Variants in BBS9 observed in about 807,000 individuals in gnomAD.
The protein encoded by BBS9 is protein PTHB1.
A neutral mutation model predicts 117.7 loss-of-function variants in BBS9; 89 were observed. The observed-to-expected ratio is 0.76, with a 90% CI of 0.64 to 0.90. The LOEUF (loss-of-function observed/expected upper bound fraction) is 0.90, where lower values mean the gene tolerates loss of function less well. Among genes scored for constraint, BBS9 ranks in the 40% least tolerant of loss-of-function variants. The pLI, the probability that BBS9 is intolerant of heterozygous loss-of-function variation, is 0.00. For synonymous variants in BBS9, 379 were observed against 370.9 expected, an observed-to-expected ratio of 1.02 and a Z score of -0.25; for missense variants, 982 against 1,042.2, an observed-to-expected ratio of 0.94 and a Z score of 0.80.
chr7:33,561,475 GCCA>G (rs1856078600), intron 21 of BBS9, among the ~76,000 whole-genome samples: 1 of 152,188 alleles, frequency 6.6e-6, no homozygotes, highest in Non-Finnish European at 1.5e-5. Flanking sequence ...AGAGGTAGTA[GCCA>G]CCTGAGTTGA....
At chr7:33,633,331 C>G (rs1454323094) in intron 21 of BBS9, among the ~76,000 whole-genome samples, 1 of 151,116 alleles carries the variant, frequency 6.6e-6, no homozygotes, top group Non-Finnish European at 1.5e-5. Context: ...CTTTAAAAAG[C>G]ACTTGATTGT....
At chr7:33,535,941 T>C (rs1030197399) in intron 21 of BBS9, among the ~76,000 whole-genome samples, 1 of 152,020 alleles carries the variant, frequency 6.6e-6, no homozygotes, top group African/African-American at 2.4e-5. Flanking sequence ...GATCCTCAAA[T>C]CCCTGTCTTA....
At chr7:33,189,593 A>T (rs1409041748) in intron 5 of BBS9, among the ~76,000 whole-genome samples, 1 of 100,550 alleles carries the variant, frequency 9.9e-6, no homozygotes, top group Non-Finnish European at 2.4e-5. Context: ...TTTTTTAATT[A>T]AAAAAAAATA....
chr7:33,439,072 G>A (rs1477528859), intron 19 of BBS9, among the ~76,000 whole-genome samples: 1 of 152,124 alleles, frequency 6.6e-6, no homozygotes, highest in Non-Finnish European at 1.5e-5. Flanking sequence ...TGTATTCTTG[G>A]TCAAGCTTTA....
At chr7:33,263,519 A>G (rs1798309568) in intron 6 of BBS9, among the ~76,000 whole-genome samples, 1 of 152,286 alleles carries the variant, frequency 6.6e-6, no homozygotes, top group South Asian at 2.1e-4. Context: ...TCTAGATTGA[A>G]TAATATTTAT....
chr7:33,160,183 A>T (rs1285822101), intron 4 of BBS9, among the ~76,000 whole-genome samples: 1 of 152,218 alleles, frequency 6.6e-6, no homozygotes, highest in African/African-American at 2.4e-5. Context: ...AAAGCCTATC[A>T]TGAGGGATAC....
intron 1 of BBS9, among the ~76,000 whole-genome samples, chr7:33,130,830 G>A (rs530526584): frequency 6.6e-6 from 1 of 151,862 alleles, no homozygotes; most frequent in Non-Finnish European, 1.5e-5. Flanking sequence ...AGAGTTTAAG[G>A]GATTTTTCCT....
chr7:33,148,660 G>T (rs1792803492), intron 2 of BBS9, among the ~76,000 whole-genome samples: 1 of 147,484 alleles, frequency 6.8e-6, no homozygotes, highest in Admixed American at 6.7e-5. Context: ...ACTGCACCTG[G>T]CCTTTTTTTT....
At chr7:33,410,678 C>A (rs1046480122) in intron 19 of BBS9, among the ~76,000 whole-genome samples, 1 of 152,136 alleles carries the variant, frequency 6.6e-6, no homozygotes, top group Admixed American at 6.5e-5. Context: ...TCAACCCTTC[C>A]CTTGATCCCT....
In BBS9 at chr7:33,448,431, A is replaced by G. The variant is rs745927662; in HGVS notation, c.2116-57032A>G. 7.7e-4 allele frequency among the ~76,000 whole-genome samples: 117 copies of G among 152,178 alleles called. 1 individual carries two copies. The highest frequency in any genetic ancestry group is 1.5e-3 in the Non-Finnish European group (103 of 68,014). On this transcript the variant is annotated intron_variant, in intron 19 of 22. Coordinates refer to ENST00000242067, the MANE Select transcript of BBS9 (RefSeq NM_198428.3). ...TACTATTCTGAAGGCGGCATGGGGT[A>G]GGACTCCAGAACAAAGTCAGACAGA... is the stretch of plus-strand genomic sequence containing the variant.
intron 19 of BBS9, among the ~76,000 whole-genome samples, chr7:33,488,535 C>A (rs1455661218): frequency 6.6e-6 from 1 of 152,144 alleles, no homozygotes; most frequent in Non-Finnish European, 1.5e-5. Context: ...CCACATCTCT[C>A]TGGGCCTTAG....
Position 33,188,644 on chromosome 7 carries a change from G to T in BBS9, c.442+11053G>T, listed in dbSNP as rs545908068. On this transcript the variant is annotated intron_variant, in intron 5 of 22. Transcript: ENST00000242067. ...AGAGGGAAGGGAGAGATTCCAAGAG[G>T]CACTGAAGGACTTGAGAGTTCAGAG... Among the ~76,000 whole-genome samples the T allele has an allele frequency of 1.8e-3, 271 of 152,314 alleles. 7 individuals carry two copies. In the South Asian group the frequency reaches 0.049, roughly 28 times the overall value.
intron 15 of BBS9, among the ~76,000 whole-genome samples, chr7:33,355,327 C>A (rs1819429008): frequency 6.6e-6 from 1 of 151,820 alleles, no homozygotes; most frequent in South Asian, 2.1e-4. Flanking sequence ...AGAAATGTGC[C>A]TCTGATGAAC....
At chr7:33,231,428 C>CTTTTTTTTTTTTTTTT (rs35407590) in intron 5 of BBS9, among the ~76,000 whole-genome samples, 5 of 106,384 alleles carry the variant, frequency 4.7e-5, no homozygotes, top group Non-Finnish European at 7.7e-5. Context: ...GCCTATGTGT[C>CTTTTTTTTTTTTTTTT]TTTTTTTTTT....
intron 7 of BBS9, among the ~76,000 whole-genome samples, chr7:33,272,026 G>T (rs1799883839): frequency 6.6e-6 from 1 of 152,242 alleles, no homozygotes; most frequent in East Asian, 1.9e-4. Context: ...TAAAGAAAAT[G>T]TGGTACATAT....
chr7:33,355,007 C>T (rs754007014), intron 15 of BBS9, among the ~76,000 whole-genome samples: 16 of 151,938 alleles, frequency 1.1e-4, no homozygotes, highest in Non-Finnish European at 1.9e-4. Flanking sequence ...TTTCTCTCAG[C>T]GTAACACTTA....
At chr7:33,525,921 G>A (rs1236655804) in intron 20 of BBS9, among the ~76,000 whole-genome samples, 6 of 151,478 alleles carry the variant, frequency 4.0e-5, no homozygotes, top group East Asian at 1.9e-4. Flanking sequence ...GCTTCCTTCC[G>A]GAGCTCTTTT....
chr7:33,558,027 A>G (rs958681335), intron 21 of BBS9, among the ~76,000 whole-genome samples: 1 of 152,232 alleles, frequency 6.6e-6, no homozygotes, highest in African/African-American at 2.4e-5. Context: ...GTAAACTGGG[A>G]ACAAATTGAA....
intron 21 of BBS9, among the ~76,000 whole-genome samples, chr7:33,598,894 C>A (rs1863354002): frequency 6.6e-6 from 1 of 152,314 alleles, no homozygotes; most frequent in East Asian, 1.9e-4. Context: ...GGTTGCCAAA[C>A]TACTTATGGC....
Sources: gnomAD v4.1 joint callset for allele counts (sites outside exome capture counted in the v4.1 genomes callset) on GRCh38, gnomAD v4.1.1 for gene constraint, MANE v1.5 for transcripts, NCBI Gene and HGNC (gene_info 2026-07-23, HGNC 2026-07-21) for gene names.